ANKRD36C: variants seen among roughly 807,000 people sequenced by gnomAD.
ANKRD36C encodes the protein ankyrin repeat domain 36C, also known as ankyrin repeat domain-containing protein 36C.
ANKRD36C carries 61 observed loss-of-function variants against 276.4 expected under a neutral mutation model. The ratio of observed to expected loss-of-function variants is 0.22; its 90% CI spans 0.18 to 0.27. The LOEUF (loss-of-function observed/expected upper bound fraction) is 0.27. ANKRD36C is among the 10% of genes least tolerant of loss of function. The probability of loss-of-function intolerance (pLI) is 1.00; values close to 1 mark genes in which losing one functional copy is unlikely to be tolerated. For synonymous variants in ANKRD36C, 483 were observed against 680.1 expected (o/e 0.71, Z 4.51); for missense variants, 1,447 against 2,032.3 (o/e 0.71, Z 5.54).
intron 60 of ANKRD36C, among the ~76,000 whole-genome samples, chr2:95,864,079 T>C (rs1298447509): frequency 1.3e-5 from 2 of 151,816 alleles, no homozygotes; most frequent in South Asian, 2.1e-4. Context: ...ATTGGGGGTA[T>C]ACAAAAAAAT....
chr2:95,852,396 A>G (rs1675315499), intron 64 of ANKRD36C, 200 bp from the exon 85 acceptor site: 2 of 555,484 alleles, frequency 3.6e-6, no homozygotes, highest in Non-Finnish European at 6.4e-6. Context: ...ACACCCCTTC[A>G]GTCTGCATAT....
intron 58 of ANKRD36C, among the ~76,000 whole-genome samples, chr2:95,876,821 T>G (rs923110849): frequency 1.7e-5 from 2 of 121,188 alleles, no homozygotes; most frequent in Non-Finnish European, 3.2e-5. Flanking sequence ...CCACTGCACC[T>G]CCAGCCTGGG....
At chr2:95,902,770 C>G in intron 42 of ANKRD36C, 116 bp downstream of exon 54, 1 of 1,282,938 alleles carries the variant, frequency 7.8e-7, no homozygotes, top group Non-Finnish European at 1.1e-6. Context: ...TGAAGAATCT[C>G]AGGACTGCTG....
chr2:95,912,694 A>T (rs1259841030), intron 40 of ANKRD36C, among the ~76,000 whole-genome samples: 3 of 151,544 alleles, frequency 2.0e-5, no homozygotes, highest in East Asian at 2.0e-4. Context: ...AAACCGTGTC[A>T]ATATCAATGT....
rs1270395280 is a variant in ANKRD36C at position 95,897,448 on chromosome 2, G to A, written c.2755+1697C>T. 16 of 1,535,094 alleles carry A rather than the reference G, an allele frequency of 1.0e-5. 1 individual carries two copies. The highest frequency in any genetic ancestry group is 9.5e-5 in the South Asian group (8 of 84,026). On this transcript the variant is annotated intron_variant, in intron 44 of 66. Transcript: ENST00000456556. Reference sequence around the variant, plus strand: ...GACAGTTTCATTACCTTCAAGCCTGGTGGTTGCTCAGAAGACACTGAAAAG... The same window carrying A: ...GACAGTTTCATTACCTTCAAGCCTGATGGTTGCTCAGAAGACACTGAAAAG...
chr2:95,867,025 G>A (rs1675696037), intron 60 of ANKRD36C, among the ~76,000 whole-genome samples: 1 of 152,160 alleles, frequency 6.6e-6, no homozygotes, highest in South Asian at 2.1e-4. Context: ...TTTTCAGCAA[G>A]CAGGTAACAT....
chr2:95,961,881 C>T (rs868105301), intron 8 of ANKRD36C, among the ~76,000 whole-genome samples: 1 of 152,050 alleles, frequency 6.6e-6, no homozygotes, highest in Non-Finnish European at 1.5e-5. Context: ...TTCCCTCCTT[C>T]TTTCCTCTCA....
At chr2:95,963,757 A>G (rs2104509406) in intron 6 of ANKRD36C, among the ~76,000 whole-genome samples, 1 of 108,590 alleles carries the variant, frequency 9.2e-6, no homozygotes, top group African/African-American at 3.7e-5. Flanking sequence ...GAAGGCTCCT[A>G]ATATTCCTAC....
intron 16 of ANKRD36C, 25 bp from the exon 17 acceptor site, chr2:95,948,621 A>G (rs1363142561): frequency 6.5e-6 from 10 of 1,533,512 alleles, no homozygotes; most frequent in Non-Finnish European, 8.7e-6. Context: ...GATATGAAAA[A>G]AATGAGCACG....
chr2:95,950,423 C>A (rs1260422554), intron 16 of ANKRD36C, among the ~76,000 whole-genome samples: 71 of 151,954 alleles, frequency 4.7e-4, no homozygotes, highest in African/African-American at 1.5e-3. Context: ...CCCATTGCTG[C>A]ATAGGCCTCT....
chr2:95,942,387 G>A (rs1284867897), intron 19 of ANKRD36C, among the ~76,000 whole-genome samples: 1 of 152,240 alleles, frequency 6.6e-6, no homozygotes, highest in African/African-American at 2.4e-5. Flanking sequence ...ATGGTCATCT[G>A]CATTTTTGAA....
At chr2:95,944,490 A>C in intron 19 of ANKRD36C, 137 bp downstream of exon 19, 1 of 889,368 alleles carries the variant, frequency 1.1e-6, no homozygotes, top group Admixed American at 2.6e-5. Context: ...CAAGTGAATA[A>C]AGCATGGGAA....
chr2:95,913,014 A>G (rs1402152480), intron 40 of ANKRD36C, among the ~76,000 whole-genome samples: 1 of 150,654 alleles, frequency 6.6e-6, no homozygotes, highest in Non-Finnish European at 1.5e-5. Flanking sequence ...ATTATCTCTC[A>G]CACCCATGTA....
At chr2:95,931,137 G>T (rs1217997244) in intron 24 of ANKRD36C, among the ~76,000 whole-genome samples, 1 of 151,586 alleles carries the variant, frequency 6.6e-6, no homozygotes, top group Non-Finnish European at 1.5e-5. Flanking sequence ...CCACTGTATT[G>T]TGACATCTGT....
chr2:95,966,466 A>G (rs1350111198), intron 6 of ANKRD36C, among the ~76,000 whole-genome samples: 3 of 152,082 alleles, frequency 2.0e-5, no homozygotes, highest in Non-Finnish European at 4.4e-5. Context: ...CAAAGATCAG[A>G]TGGTGTCGAT....
intron 58 of ANKRD36C, among the ~76,000 whole-genome samples, chr2:95,876,961 C>A (rs1333784842): frequency 6.7e-6 from 1 of 148,340 alleles, no homozygotes; most frequent in Non-Finnish European, 1.5e-5. Context: ...GGCTTTTAAT[C>A]CTCCAAAACT....
chr2:95,953,508 C>T (rs1678252485), intron 14 of ANKRD36C, among the ~76,000 whole-genome samples: 1 of 152,012 alleles, frequency 6.6e-6, no homozygotes, highest in African/African-American at 2.4e-5. Flanking sequence ...CTATGTGTAA[C>T]AGAGTGATTC....
chr2:95,861,363 C>G (rs1345645248), intron 60 of ANKRD36C, among the ~76,000 whole-genome samples: 2 of 150,716 alleles, frequency 1.3e-5, no homozygotes, highest in African/African-American at 2.4e-5. Flanking sequence ...GATAACTCCT[C>G]AAATAAAAAA....
chr2:95,851,738 C>T, exon 66 of ANKRD36C: 1 of 1,534,822 alleles, frequency 6.5e-7, no homozygotes, highest in Non-Finnish European at 8.8e-7. Context: ...TCAATTTGTT[C>T]ATCCTGTTTT....
Sources: gnomAD v4.1 joint callset for allele counts (sites outside exome capture counted in the v4.1 genomes callset) on GRCh38, gnomAD v4.1.1 for gene constraint, MANE v1.5 for transcripts, NCBI Gene and HGNC (gene_info 2026-07-23, HGNC 2026-07-21) for gene names.